Variants in MSH6 observed in about 807,000 individuals in gnomAD.
MSH6 encodes the protein mutS homolog 6.
MSH6 carries 85 observed loss-of-function variants against 119.1 expected under a neutral mutation model. The ratio of observed to expected loss-of-function variants is 0.71; its 90% CI spans 0.60 to 0.85. MSH6 has a LOEUF of 0.85. Among genes scored for constraint, MSH6 ranks in the 40% least tolerant of loss-of-function variants. The probability of loss-of-function intolerance (pLI) is 0.00; values close to 1 mark genes in which losing one functional copy is unlikely to be tolerated. For missense variants in MSH6, 2,163 were observed against 1,655.3 expected, an observed-to-expected ratio of 1.31 and a Z score of -5.32; for synonymous variants, 830 against 586.9, an observed-to-expected ratio of 1.41 and a Z score of -5.99.
At chr2:47,791,997 C>T (rs1171928524) in intron 2 of MSH6, among the ~76,000 whole-genome samples, 1 of 152,144 alleles carries the variant, frequency 6.6e-6, no homozygotes, top group Non-Finnish European at 1.5e-5. Context: ...CAGGTGCACA[C>T]CACCAAGCCC....
At chr2:47,806,398 G>C (rs771107269) in intron 8 of MSH6, 40 bp downstream of exon 8, 1 of 1,612,550 alleles carries the variant, frequency 6.2e-7, no homozygotes, top group Non-Finnish European at 8.5e-7. Flanking sequence ...TCGGTTTTTT[G>C]AGAGGGCACT....
Position 47,783,357 on chromosome 2 carries a change from C to G in MSH6, c.124C>G (p.Pro42Ala), listed in dbSNP as rs34014629. Residue 42 changes from proline (P) to alanine (A), a missense_variant, in exon 1 of 10, where the codon CCT (proline) becomes GCT (alanine). Pro to Ala is a conservative substitution (Grantham distance 27, BLOSUM62 -1). Transcript: ENST00000234420. ...GRAAAAPGASPSPGGDAAWSE... is the reference protein window; with the variant it reads ...GRAAAAPGASASPGGDAAWSE... ...TGCCGCCGCTGCCCCCGGGGCCTCT[C>G]CTTCCCCAGGCGGGGATGCGGCCTG... 10 of 1,607,104 alleles carry G rather than the reference C, an allele frequency of 6.2e-6. No individual in the cohort carries two copies. Among genetic ancestry groups the G allele is most frequent in the South Asian group, 1.1e-5 (1 of 90,346 alleles).
rs587783056 is a variant in MSH6, at chr2:47,799,684, GTT to G, written c.1705_1706del (p.Phe569HisfsTer7). ...GCTTTGTTGATACTTCACTGGGAAA[GTT>G]TTTCATAGGTCAGTTTTCAGATGAT... ...VCFVDTSLGKFFIGQFSDDRH... is the reference protein window; with the variant it reads ...VCFVDTSLGKXFIGQFSDDRH... On this transcript the variant is annotated frameshift_variant, in exon 4 of 10. Coordinates refer to ENST00000234420, the MANE Select transcript of MSH6 (RefSeq NM_000179.3). LOFTEE classifies it high-confidence loss of function. 2 of 1,614,018 alleles carry G rather than the reference GTT, an allele frequency of 1.2e-6. No homozygotes were observed. Among genetic ancestry groups the G allele is most frequent in the African/African-American group, 2.7e-5 (2 of 74,886 alleles).
At chr2:47,788,727 G>A (rs1270265650) in intron 1 of MSH6, among the ~76,000 whole-genome samples, 1 of 148,310 alleles carries the variant, frequency 6.7e-6, no homozygotes, top group Non-Finnish European at 1.5e-5. Context: ...CTGCCACCAT[G>A]CCCAGCTAAT....
Position 47,800,391 on chromosome 2 carries a change from A to G in MSH6, c.2408A>G (p.Asp803Gly), listed in dbSNP as rs63751450. Residue 803 changes from aspartate (D) to glycine (G), a missense_variant, in exon 4 of 10, where the codon GAC (aspartate) becomes GGC (glycine). Transcript: ENST00000234420. ...ATAGAAGACCTCATGGTTGTGCCTGACAAAATCTCCGAAGTTGTAGAGCTT... is the reference window on the plus strand; with the variant it reads ...ATAGAAGACCTCATGGTTGTGCCTGGCAAAATCTCCGAAGTTGTAGAGCTT... ...DAIEDLMVVP[D>G]KISEVVELLK... The G allele has an allele frequency of 5.1e-5, 82 of 1,614,124 alleles. No homozygotes were observed. The highest frequency in any genetic ancestry group is 3.5e-4 in the South Asian group (32 of 91,070).
chr2:47,790,464 T>G (rs1668657362), intron 1 of MSH6, among the ~76,000 whole-genome samples: 1 of 152,186 alleles, frequency 6.6e-6, no homozygotes, highest in African/African-American at 2.4e-5. Context: ...GGAAAAAGAT[T>G]CCAAGCAAGT....
intron 1 of MSH6, chr2:47,783,889 CT>C (rs1302932350): frequency 1.1e-6 from 1 of 888,650 alleles, no homozygotes; most frequent in African/African-American, 3.9e-5. Flanking sequence ...GCCCGGCCCA[CT>C]TGGTGGGCGG....
chr2:47,806,216 C>CAACA lies in MSH6; in HGVS notation c.3660_3663dup (p.Phe1222AsnfsTer3), dbSNP rs752404604. Reference sequence around the variant, plus strand: ...TTTACTTTAACAGGAAGAGGTACTGCAACATTTGATGGGACGGCAATAGCA... The same window carrying CAACA: ...TTTACTTTAACAGGAAGAGGTACTGCAACAAACATTTGATGGGACGGCAATAGCA... On this transcript the variant is annotated frameshift_variant, in exon 8 of 10. Transcript: ENST00000234420. LOFTEE classifies it high-confidence loss of function. 6.2e-7 allele frequency: 1 copy of CAACA among 1,613,824 alleles called. No individual in the cohort carries two copies. Among genetic ancestry groups the CAACA allele is most frequent in the African/African-American group, 1.3e-5 (1 of 74,886 alleles).
chr2:47,806,747 A>AAAACTTTTTTTTTTTTTTTTTTT (rs1670189450), intron 9 of MSH6, 32 bp from the exon 10 acceptor site: 2 of 1,514,774 alleles, frequency 1.3e-6, no homozygotes, highest in Non-Finnish European at 9.0e-7. Flanking sequence ...AAAAAACAAA[A>AAAACTTTTTTTTTTTTTTTTTTT]AAACTTTTTT....
intron 6 of MSH6, 144 bp downstream of exon 6, chr2:47,805,171 T>TA: frequency 3.0e-6 from 2 of 665,860 alleles, no homozygotes; most frequent in Non-Finnish European, 5.3e-6. Flanking sequence ...AAGAACTGCA[T>TA]AGTCTCTCTC....
rs202176821 is a variant in MSH6, at chr2:47,806,666, A to G, written c.4001+15A>G. The G allele has an allele frequency of 3.2e-5, 52 of 1,601,814 alleles. No homozygotes were observed. Among genetic ancestry groups the G allele is most frequent in the Non-Finnish European group, 4.1e-5 (48 of 1,173,946 alleles). On this transcript the variant is annotated intron_variant, in intron 9 of 9. Coordinates refer to ENST00000234420, the MANE Select transcript of MSH6 (RefSeq NM_000179.3). ...CGATTATTTCGGTAACTAACTAACT[A>G]TAATGGAATTATAACTAACTGACCT...
rs778651272 is a variant in MSH6 at position 47,805,629 on chromosome 2, T to C, written c.3568T>C (p.Phe1190Leu). 1.9e-6 allele frequency: 3 copies of C among 1,610,710 alleles called. No homozygotes were observed. Among genetic ancestry groups the C allele is most frequent in the Non-Finnish European group, 2.5e-6 (3 of 1,177,030 alleles). Residue 1190 changes from phenylalanine to leucine, a missense_variant, in exon 7 of 10, where the codon TTT becomes CTT. Phe to Leu is a conservative substitution (Grantham distance 22, BLOSUM62 0). Coordinates refer to ENST00000234420, the MANE Select transcript of MSH6 (RefSeq NM_000179.3). ...SDRIMSGEST[F>L]FVELSETASI... is the part of the protein sequence containing the mutation. The stretch of plus-strand genomic sequence containing the variant: ...TTTTTTTTTTTAAGGTGAAAGTACA[T>C]TTTTTGTTGAATTAAGTGAAACTGC...
Position 47,795,953 on chromosome 2 carries a change from C to T in MSH6, c.517C>T (p.Leu173=), listed in dbSNP as rs1553411421. 1 of 1,614,094 alleles carries T rather than the reference C, an allele frequency of 6.2e-7. No homozygotes were observed. The highest frequency in any genetic ancestry group is 8.5e-7 in the Non-Finnish European group (1 of 1,179,998). ...TTTTTACAGTGCAAAGCCTGAAATA[C>T]TGAGAGCAATGCAACGTGCAGATGA... ...GHFYSAKPEI[L]RAMQRADEAL... Residue 173 remains leucine, a synonymous_variant, in exon 3 of 10, where the codon CTG becomes TTG. Transcript: ENST00000234420.
At position 47,786,349 on chromosome 2, in the gene MSH6, T is replaced by G. The variant is rs1196547172; in HGVS notation, c.260+2856T>G. ...ACATGTTGAGCGTATTTTTTTTTTT[T>G]TTGAGACGGAATTTCACTCTTGTTG... On this transcript the variant is annotated intron_variant, in intron 1 of 9. Coordinates refer to ENST00000234420, the MANE Select transcript of MSH6 (RefSeq NM_000179.3). Among the ~76,000 whole-genome samples the G allele has an allele frequency of 2.0e-5, 3 of 152,208 alleles. No individual in the cohort carries two copies. The East Asian group carries it at 5.8e-4, about 29-fold the overall frequency.
Position 47,796,123 on chromosome 2 carries a change from G to A in MSH6, c.627+60G>A. Reference sequence around the variant, plus strand: ...TTAGGGTGATGGGGGAAGAAAGGGGGAGGGTGTATTAACAAGATACCTTGT... The same window carrying A: ...TTAGGGTGATGGGGGAAGAAAGGGGAAGGGTGTATTAACAAGATACCTTGT... On this transcript the variant is annotated intron_variant, in intron 3 of 9. Transcript: ENST00000234420. The A allele has an allele frequency of 2.6e-6, 4 of 1,566,848 alleles. No homozygotes were observed. In the South Asian group the frequency reaches 3.3e-5, roughly 13 times the overall value.
At chr2:47,808,680 A>T (rs1026632503), downstream of MSH6, 1 of 385,920 alleles carries the variant, frequency 2.6e-6, no homozygotes, top group African/African-American at 2.1e-5. Flanking sequence ...AAAGCCTCTC[A>T]AATGTTTCTG....
Position 47,800,583 on chromosome 2 carries a change from T to G in MSH6, c.2600T>G (p.Val867Gly), listed in dbSNP as rs139598980. 3.7e-5 allele frequency: 60 copies of G among 1,613,986 alleles called. No individual in the cohort carries two copies. Among genetic ancestry groups the G allele is most frequent in the Non-Finnish European group, 4.9e-5 (58 of 1,180,002 alleles). Residue 867 changes from valine to glycine, a missense_variant, in exon 4 of 10, where the codon GTA becomes GGA. Coordinates refer to ENST00000234420, the MANE Select transcript of MSH6 (RefSeq NM_000179.3). ...CTTTCTGCTCTGGAAGGATTCAAAG[T>G]AATGTGTAAAATTATAGGGATCATG... is the stretch of plus-strand genomic sequence containing the variant. ...DFLSALEGFK[V>G]MCKIIGIMEE...
intron 7 of MSH6, 107 bp from the exon 8 acceptor site, chr2:47,806,097 T>C: frequency 9.4e-7 from 1 of 1,066,152 alleles, no homozygotes; most frequent in Non-Finnish European, 1.4e-6. Context: ...CTTTTAGACG[T>C]GGATGTACTA....
chr2:47,783,818 T>C, intron 1 of MSH6: 1 of 579,128 alleles, frequency 1.7e-6, no homozygotes, highest in Non-Finnish European at 2.1e-6. Flanking sequence ...CGCGCGCAGC[T>C]CCGGGTGGGG....
Sources: allele counts gnomAD v4.1 joint callset (sites outside exome capture counted in the v4.1 genomes callset), GRCh38; gene constraint gnomAD v4.1.1; transcripts MANE v1.5; gene names NCBI Gene and HGNC (gene_info 2026-07-23, HGNC 2026-07-21).